MRTFB: variants seen among roughly 807,000 people sequenced by gnomAD.
MRTFB encodes myocardin-related transcription factor B.
MRTFB carries 29 observed loss-of-function variants against 104.2 expected under a neutral mutation model. The ratio of observed to expected loss-of-function variants is 0.28; its 90% CI spans 0.21 to 0.38. The LOEUF (loss-of-function observed/expected upper bound fraction) is 0.38, where lower values mean the gene tolerates loss of function less well. Ranked by LOEUF, MRTFB falls within the 10% of genes least tolerant of loss-of-function variation. MRTFB has a pLI of 1.00. For synonymous variants in MRTFB, 535 were observed against 519.5 expected (o/e 1.03, Z -0.41); for missense variants, 1,270 against 1,341.6 (o/e 0.95, Z 0.83).
intron 2 of MRTFB, among the ~76,000 whole-genome samples, chr16:14,135,388 A>G (rs1476300680): frequency 1.3e-5 from 2 of 152,232 alleles, no homozygotes; most frequent in African/African-American, 4.8e-5. Flanking sequence ...CTAGAGACAC[A>G]CATACTTACC....
At chr16:13,999,854 C>T in the MRTFB span, among the ~76,000 whole-genome samples, 1 of 152,124 alleles carries the variant, frequency 6.6e-6, no homozygotes, top group Non-Finnish European at 1.5e-5. Flanking sequence ...CATAAAGAGC[C>T]TATATGATAG....
chr16:14,031,888 A>C, the MRTFB span, among the ~76,000 whole-genome samples: 1 of 151,704 alleles, frequency 6.6e-6, no homozygotes, highest in African/African-American at 2.4e-5. Flanking sequence ...GCTCTCTGCA[A>C]CCTCCGTCTC....
At chr16:14,203,804 GAAA>G (rs908323645) in intron 3 of MRTFB, among the ~76,000 whole-genome samples, 13 of 46,560 alleles carry the variant, frequency 2.8e-4, no homozygotes, top group African/African-American at 6.2e-4. Context: ...ACTCTGTCTC[GAAA>G]AAAAAAAAAA....
chr16:14,035,189 T>C, the MRTFB span, among the ~76,000 whole-genome samples: 7 of 152,326 alleles, frequency 4.6e-5, no homozygotes, highest in South Asian at 1.4e-3. Context: ...GCAAGGAGAC[T>C]GCATAAGATT....
rs756470010 is a variant in MRTFB at position 14,247,288 on chromosome 16, G to C, written c.2028G>C (p.Lys676Asn). 6 of 1,614,162 alleles carry C rather than the reference G, an allele frequency of 3.7e-6. No homozygotes were observed. Among genetic ancestry groups the C allele is most frequent in the Non-Finnish European group, 5.1e-6 (6 of 1,180,028 alleles). Reference sequence around the variant, plus strand: ...GTGGCCAGACCCTTGTTGCCAAAAAGGCTGTAGTTATCAAGCAAGAGGTCC... The same window carrying C: ...GTGGCCAGACCCTTGTTGCCAAAAACGCTGTAGTTATCAAGCAAGAGGTCC... Reference protein sequence around the residue: ...STGGQTLVAKKAVVIKQEVPV... With the variant: ...STGGQTLVAKNAVVIKQEVPV... Residue 676 changes from lysine to asparagine, a missense_variant, in exon 12 of 17, where the codon AAG (lysine) becomes AAC (asparagine). Lys to Asn is a moderately conservative substitution (Grantham distance 94). Transcript: ENST00000571589.
intron 3 of MRTFB, among the ~76,000 whole-genome samples, chr16:14,150,233 A>C (rs1189503945): frequency 6.6e-6 from 1 of 152,226 alleles, no homozygotes; most frequent in Non-Finnish European, 1.5e-5. Flanking sequence ...TTGTTTCATA[A>C]GATTGCTCTG....
At chr16:14,127,923 ATATATATTTTTTTTTTTTTT>A (rs1419945986) in intron 2 of MRTFB, among the ~76,000 whole-genome samples, 574 of 39,144 alleles carry the variant, frequency 0.015, 8 homozygotes, top group African/African-American at 0.15. Context: ...ATATATATAT[ATATATATTTTTTTTTTTTTT>A]TTTTTTTTCT....
chr16:14,251,523 G>T (rs950321656), intron 13 of MRTFB, among the ~76,000 whole-genome samples: 3 of 152,300 alleles, frequency 2.0e-5, no homozygotes, highest in African/African-American at 7.2e-5. Flanking sequence ...ACCATCAAAG[G>T]CAAGTTACTG....
intron 3 of MRTFB, among the ~76,000 whole-genome samples, chr16:14,159,901 G>T (rs1016742286): frequency 1.7e-4 from 23 of 134,106 alleles, no homozygotes; most frequent in Admixed American, 6.6e-4. Flanking sequence ...CTGCACTCCA[G>T]CCTGGGCGAC....
rs560639496 is a variant in MRTFB at position 14,205,535 on chromosome 16, G to T, written c.155-4708G>T. ...ATAAAATGAAACAGGTTTACACCTT[G>T]TTTTAAACCATGATTCTAAATTTCA... On this transcript the variant is annotated intron_variant, in intron 3 of 16. Coordinates refer to ENST00000571589, the MANE Select transcript of MRTFB (RefSeq NM_001308142.2). Among the ~76,000 whole-genome samples the T allele has an allele frequency of 2.3e-3, 344 of 152,286 alleles. 1 individual carries two copies. Among genetic ancestry groups the T allele is most frequent in the Admixed American group, 6.3e-3 (96 of 15,302 alleles).
chr16:14,100,868 A>G (rs1388794872), intron 2 of MRTFB, among the ~76,000 whole-genome samples: 1 of 152,132 alleles, frequency 6.6e-6, no homozygotes, highest in African/African-American at 2.4e-5. Context: ...GTTTTTCATA[A>G]TATTCCCCTA....
chr16:14,037,980 A>G, the MRTFB span, among the ~76,000 whole-genome samples: 3 of 152,192 alleles, frequency 2.0e-5, no homozygotes, highest in Non-Finnish European at 4.4e-5. Flanking sequence ...TTTGTAAAGC[A>G]AGTATGTTGG....
intron 3 of MRTFB, among the ~76,000 whole-genome samples, chr16:14,174,686 C>A (rs564555351): frequency 2.4e-4 from 36 of 151,802 alleles, no homozygotes; most frequent in Admixed American, 2.2e-3. Context: ...TTGCTCCCCA[C>A]CCCCCAGAAA....
At chr16:14,005,901 T>C in the MRTFB span, among the ~76,000 whole-genome samples, 1 of 152,370 alleles carries the variant, frequency 6.6e-6, no homozygotes, top group South Asian at 2.1e-4. Flanking sequence ...CATGTTCCAC[T>C]GCCAAGCTTA....
chr16:14,103,592 A>C (rs1333716206), intron 2 of MRTFB, among the ~76,000 whole-genome samples: 1 of 152,156 alleles, frequency 6.6e-6, no homozygotes, highest in Non-Finnish European at 1.5e-5. Flanking sequence ...AATCAGGAGA[A>C]ATGGAATCCT....
intron 3 of MRTFB, among the ~76,000 whole-genome samples, chr16:14,205,435 G>A (rs1413009811): frequency 6.6e-6 from 1 of 152,090 alleles, no homozygotes; most frequent in Non-Finnish European, 1.5e-5. Context: ...TGTCAACTTG[G>A]GGTAAATGTT....
chr16:14,085,229 G>C (rs1245220200), intron 2 of MRTFB, among the ~76,000 whole-genome samples: 1 of 152,158 alleles, frequency 6.6e-6, no homozygotes, highest in East Asian at 1.9e-4. Flanking sequence ...GCTGAGATGA[G>C]TGGATCACCA....
intron 10 of MRTFB, chr16:14,240,935 G>T: frequency 1.6e-6 from 1 of 607,692 alleles, no homozygotes; most frequent in Non-Finnish European, 2.9e-6. Flanking sequence ...AGGCACAGGG[G>T]AATGCTGTGA....
In MRTFB at chr16:14,264,774, C is replaced by G. The variant is rs1857531788; in HGVS notation, c.*3330C>G. On this transcript the variant is annotated 3_prime_UTR_variant, in exon 17 of 17. Coordinates refer to ENST00000571589, the MANE Select transcript of MRTFB (RefSeq NM_001308142.2). ...GCAAAGTCATAGTAATGAGATAGCACCTCTGAACTGTGCAGTCAGCATACC... is the reference window on the plus strand; with the variant it reads ...GCAAAGTCATAGTAATGAGATAGCAGCTCTGAACTGTGCAGTCAGCATACC... 2 of 152,174 alleles carry G rather than the reference C, an allele frequency of 1.3e-5. No homozygotes were observed. Among genetic ancestry groups the G allele is most frequent in the Non-Finnish European group, 2.9e-5 (2 of 68,036 alleles). 9.4% of individuals were successfully genotyped at this position (152,174 alleles called of 1,614,324 possible).
Sources: gnomAD v4.1 joint callset for allele counts (sites outside exome capture counted in the v4.1 genomes callset) on GRCh38, gnomAD v4.1.1 for gene constraint, MANE v1.5 for transcripts, NCBI Gene and HGNC (gene_info 2026-07-23, HGNC 2026-07-21) for gene names.